The following TAFA1 variants were observed in gnomAD, a reference collection of about 807,000 sequenced individuals.
TAFA1 encodes TAFA chemokine like family member 1.
Under a neutral mutation model 18.5 loss-of-function variants are expected in TAFA1, and 4 were observed. The ratio of observed to expected loss-of-function variants is 0.22; its 90% CI spans 0.11 to 0.49. The LOEUF is 0.49. Ranked by LOEUF, TAFA1 falls within the 20% of genes least tolerant of loss-of-function variation. The pLI, the probability that TAFA1 is intolerant of heterozygous loss-of-function variation, is 0.98. For missense variants in TAFA1, 147 were observed against 169.0 expected, an observed-to-expected ratio of 0.87 and a Z score of 0.72; for synonymous variants, 56 against 55.2, an observed-to-expected ratio of 1.01 and a Z score of -0.06.
At chr3:68,154,425 C>T (rs866723534) in intron 2 of TAFA1, among the ~76,000 whole-genome samples, 2 of 152,200 alleles carry the variant, frequency 1.3e-5, no homozygotes. Flanking sequence ...ATTCAGCCAC[C>T]TCCTGCTACA....
intron 3 of TAFA1, among the ~76,000 whole-genome samples, chr3:68,463,020 A>C (rs1385339523): frequency 6.6e-6 from 1 of 152,208 alleles, no homozygotes; most frequent in Non-Finnish European, 1.5e-5. Context: ...TAGATTGGGC[A>C]ACTCATATAG....
intron 2 of TAFA1, among the ~76,000 whole-genome samples, chr3:68,098,816 A>G (rs1169164053): frequency 2.6e-5 from 4 of 152,116 alleles, no homozygotes; most frequent in African/African-American, 9.7e-5. Flanking sequence ...TGTATAGACC[A>G]ATGGAACAGA....
At chr3:68,247,167 A>G (rs1267687131) in intron 2 of TAFA1, among the ~76,000 whole-genome samples, 1 of 152,154 alleles carries the variant, frequency 6.6e-6, no homozygotes. Context: ...GTGTGATTAG[A>G]AACAAAATTT....
At chr3:68,382,084 T>C (rs1167497599) in intron 2 of TAFA1, among the ~76,000 whole-genome samples, 1 of 152,198 alleles carries the variant, frequency 6.6e-6, no homozygotes, top group Non-Finnish European at 1.5e-5. Context: ...ATTACATTTA[T>C]TGATTTGTGT....
intron 3 of TAFA1, among the ~76,000 whole-genome samples, chr3:68,514,000 A>T (rs555475828): frequency 1.1e-4 from 17 of 152,162 alleles, no homozygotes; most frequent in Non-Finnish European, 1.9e-4. Flanking sequence ...GGTGCTTTGC[A>T]GATTTAGTGT....
intron 2 of TAFA1, among the ~76,000 whole-genome samples, chr3:68,070,166 C>G (rs1559725212): frequency 6.6e-6 from 1 of 152,208 alleles, no homozygotes; most frequent in Non-Finnish European, 1.5e-5. Context: ...GAGGGTCCCA[C>G]CCTTACAGCA....
intron 2 of TAFA1, among the ~76,000 whole-genome samples, chr3:68,136,023 A>C (rs973297293): frequency 2.6e-5 from 4 of 152,170 alleles, no homozygotes; most frequent in Non-Finnish European, 5.9e-5. Context: ...AGAAAGATTG[A>C]CTTGCACATA....
intron 2 of TAFA1, among the ~76,000 whole-genome samples, chr3:68,219,718 T>C (rs1435995154): frequency 6.6e-6 from 1 of 152,170 alleles, no homozygotes; most frequent in Non-Finnish European, 1.5e-5. Flanking sequence ...TAACTCAAAG[T>C]CAACTGATTA....
chr3:68,165,239 C>T (rs1026884810), intron 2 of TAFA1, among the ~76,000 whole-genome samples: 1 of 152,164 alleles, frequency 6.6e-6, no homozygotes, highest in African/African-American at 2.4e-5. Context: ...AGTAAATTTG[C>T]AGCAATCTCT....
chr3:68,117,826 C>T (rs1361600671), intron 2 of TAFA1, among the ~76,000 whole-genome samples: 1 of 152,126 alleles, frequency 6.6e-6, no homozygotes, highest in Non-Finnish European at 1.5e-5. Context: ...GTGGCCAGTA[C>T]ATTTTTTAAA....
chr3:68,544,552 T>G lies in TAFA1; in HGVS notation c.*49T>G, dbSNP rs1408251814. 1 of 1,591,560 alleles carries G rather than the reference T, an allele frequency of 6.3e-7. No homozygotes were observed. The highest frequency in any genetic ancestry group is 2.2e-5 in the East Asian group (1 of 44,686). ...GAAAACCAACCCTCTGGAAAATACATTTTGAGAATCTCAAACATCTCACAT... is the reference window on the plus strand; with the variant it reads ...GAAAACCAACCCTCTGGAAAATACAGTTTGAGAATCTCAAACATCTCACAT... On this transcript the variant is annotated 3_prime_UTR_variant, in exon 5 of 5. Coordinates refer to ENST00000478136, the MANE Select transcript of TAFA1 (RefSeq NM_213609.4).
chr3:68,223,371 A>T (rs2066755939), intron 2 of TAFA1, among the ~76,000 whole-genome samples: 1 of 152,212 alleles, frequency 6.6e-6, no homozygotes, highest in South Asian at 2.1e-4. Context: ...TACTTTATAT[A>T]CACCGTGTTA....
intron 2 of TAFA1, among the ~76,000 whole-genome samples, chr3:68,338,396 T>A (rs1309881853): frequency 6.6e-6 from 1 of 152,250 alleles, no homozygotes; most frequent in Non-Finnish European, 1.5e-5. Flanking sequence ...ATGCTTTGTT[T>A]GTCTTCTAGA....
intron 2 of TAFA1, among the ~76,000 whole-genome samples, chr3:68,010,450 T>C (rs1221546326): frequency 6.6e-6 from 1 of 152,204 alleles, no homozygotes; most frequent in Admixed American, 6.5e-5. Flanking sequence ...TTGGGCCAAT[T>C]TCTGCTGTCA....
rs193206084 is a variant in TAFA1, at chr3:68,399,791, A to C, written c.119-17489A>C. ...AGTTGGAACACTAAAACTTAATTCT[A>C]AATGAAGCAAATAAAAGGAGGACCA... On this transcript the variant is annotated intron_variant, in intron 2 of 4. Coordinates refer to ENST00000478136, the MANE Select transcript of TAFA1 (RefSeq NM_213609.4). Among the ~76,000 whole-genome samples, 319 of 152,282 alleles carry C rather than the reference A, an allele frequency of 2.1e-3. 3 individuals are homozygous for C. The highest frequency in any genetic ancestry group is 0.017 in the Middle Eastern group (5 of 294).
At chr3:68,064,511 C>T (rs1323484933) in intron 2 of TAFA1, among the ~76,000 whole-genome samples, 1 of 152,180 alleles carries the variant, frequency 6.6e-6, no homozygotes, top group African/African-American at 2.4e-5. Context: ...TAAAGTTCAA[C>T]TGCTGCTAAA....
intron 3 of TAFA1, among the ~76,000 whole-genome samples, chr3:68,477,825 TC>T (rs1473139782): frequency 6.6e-6 from 1 of 152,226 alleles, no homozygotes; most frequent in Admixed American, 6.5e-5. Context: ...CTTGGTATTA[TC>T]AAGTTTAGGC....
intron 2 of TAFA1, among the ~76,000 whole-genome samples, chr3:68,330,977 T>C (rs1176685628): frequency 6.6e-6 from 1 of 152,160 alleles, no homozygotes; most frequent in Non-Finnish European, 1.5e-5. Flanking sequence ...CAAACAAAAA[T>C]TTTTACAGAA....
chr3:68,186,220 G>GT (rs976876103), intron 2 of TAFA1, among the ~76,000 whole-genome samples: 2 of 152,074 alleles, frequency 1.3e-5, no homozygotes, highest in African/African-American at 4.8e-5. Flanking sequence ...GGGAATAATT[G>GT]TTATTAATCA....
Sources: allele counts gnomAD v4.1 joint callset (sites outside exome capture counted in the v4.1 genomes callset), GRCh38; gene constraint gnomAD v4.1.1; transcripts MANE v1.5; gene names NCBI Gene and HGNC (gene_info 2026-07-23, HGNC 2026-07-21).